FRMD4A: variants seen among roughly 807,000 people sequenced by gnomAD.
The protein encoded by FRMD4A is FERM domain containing 4A.
In FRMD4A, 29 loss-of-function variants were observed where a neutral mutation model predicts 129.1. The ratio of observed to expected loss-of-function variants is 0.22; its 90% CI spans 0.17 to 0.31. The LOEUF (loss-of-function observed/expected upper bound fraction) is 0.31. Ranked by LOEUF, FRMD4A falls within the 10% of genes least tolerant of loss-of-function variation. The probability of loss-of-function intolerance (pLI) is 1.00; values close to 1 mark genes in which losing one functional copy is unlikely to be tolerated. For missense variants in FRMD4A, 1,272 were observed against 1,375.8 expected (o/e 0.92, Z 1.19); for synonymous variants, 634 against 571.6 (o/e 1.11, Z -1.56).
chr10:13,727,508 C>A (rs56222627), intron 12 of FRMD4A, among the ~76,000 whole-genome samples: 96,720 of 151,582 alleles, frequency 0.64, 31,236 homozygotes, highest in Middle Eastern at 0.7. Context: ...TCCTAGCTTC[C>A]GAGTTTCGTC....
chr10:14,249,766 G>A (rs1044800882), intron 2 of FRMD4A, among the ~76,000 whole-genome samples: 4 of 152,226 alleles, frequency 2.6e-5, no homozygotes, highest in African/African-American at 9.6e-5. Flanking sequence ...CAACTAAGGT[G>A]TAGGTACAGG....
chr10:14,159,546 T>C (rs1292755954), intron 2 of FRMD4A, among the ~76,000 whole-genome samples: 1 of 152,204 alleles, frequency 6.6e-6, no homozygotes, highest in Non-Finnish European at 1.5e-5. Flanking sequence ...ATAATCATGA[T>C]GCTACTACCC....
chr10:14,276,862 G>A (rs954592212), intron 2 of FRMD4A, among the ~76,000 whole-genome samples: 5 of 152,014 alleles, frequency 3.3e-5, no homozygotes, highest in African/African-American at 9.7e-5. Flanking sequence ...TATTATTATT[G>A]TTATTTAAGT....
chr10:14,058,952 G>C (rs78587620), intron 2 of FRMD4A, among the ~76,000 whole-genome samples: 3,802 of 151,872 alleles, frequency 0.025, 174 homozygotes, highest in African/African-American at 0.086. Flanking sequence ...AAAATGCCCT[G>C]GTCAAACTAA....
At chr10:14,008,006 C>G in intron 2 of FRMD4A, 1 of 1,286,776 alleles carries the variant, frequency 7.8e-7, no homozygotes. Context: ...TGAAAACAAA[C>G]ATCTTCCTGT....
intron 2 of FRMD4A, among the ~76,000 whole-genome samples, chr10:14,205,508 G>GCT (rs1842755550): frequency 6.6e-6 from 1 of 152,050 alleles, no homozygotes; most frequent in African/African-American, 2.4e-5. Context: ...GGTGACTCAG[G>GCT]TTATGTAGAA....
chr10:13,926,202 T>C (rs2095131888), intron 2 of FRMD4A, among the ~76,000 whole-genome samples: 1 of 152,160 alleles, frequency 6.6e-6, no homozygotes, highest in African/African-American at 2.4e-5. Context: ...TGAGGCTGTG[T>C]ATTGGAAAAC....
intron 2 of FRMD4A, among the ~76,000 whole-genome samples, chr10:14,134,507 TTGGAGGGA>T (rs916938405): frequency 6.7e-6 from 1 of 148,918 alleles, no homozygotes; most frequent in African/African-American, 2.5e-5. Flanking sequence ...GGATGAATTG[TTGGAGGGA>T]TGGAGGGATG....
chr10:14,309,237 C>A (rs1427557539), intron 2 of FRMD4A, among the ~76,000 whole-genome samples: 1 of 152,110 alleles, frequency 6.6e-6, no homozygotes, highest in African/African-American at 2.4e-5. Flanking sequence ...ATCACTTGAG[C>A]TCAGGAATTT....
chr10:14,032,900 A>G (rs1040391417), intron 2 of FRMD4A, among the ~76,000 whole-genome samples: 8 of 152,320 alleles, frequency 5.3e-5, no homozygotes, highest in South Asian at 4.1e-4. Context: ...AGTCTTGGTA[A>G]CTTTGCCTGG....
chr10:13,727,633 G>A (rs1221067880), intron 12 of FRMD4A, among the ~76,000 whole-genome samples: 1 of 152,164 alleles, frequency 6.6e-6, no homozygotes, highest in African/African-American at 2.4e-5. Context: ...CTTCCTGCAT[G>A]CGAGTTCATC....
chr10:13,885,912 T>A (rs529955534), intron 2 of FRMD4A, among the ~76,000 whole-genome samples: 50 of 148,664 alleles, frequency 3.4e-4, no homozygotes, highest in Middle Eastern at 7.0e-3. Flanking sequence ...TCTCTCCTTC[T>A]CTCTCTCTCT....
At chr10:13,847,732 A>C (rs967661979) in intron 3 of FRMD4A, among the ~76,000 whole-genome samples, 6 of 152,228 alleles carry the variant, frequency 3.9e-5, no homozygotes, top group Non-Finnish European at 5.9e-5. Context: ...GAAACGGAAG[A>C]ACCAGCCACT....
intron 2 of FRMD4A, among the ~76,000 whole-genome samples, chr10:13,975,269 G>A (rs576561095): frequency 1.3e-5 from 2 of 151,734 alleles, no homozygotes; most frequent in East Asian, 1.9e-4. Flanking sequence ...GTATGTGTCT[G>A]TGTCTGTGTA....
At chr10:13,740,698 GAAAA>G in intron 9 of FRMD4A, 121 bp from the exon 10 acceptor site, 2 of 633,468 alleles carry the variant, frequency 3.2e-6, no homozygotes, top group Non-Finnish European at 2.8e-6. Flanking sequence ...ACAGCTCCTG[GAAAA>G]ATGATTTGTC....
At chr10:13,688,451 G>A (rs1435725493) in intron 15 of FRMD4A, among the ~76,000 whole-genome samples, 1 of 152,030 alleles carries the variant, frequency 6.6e-6, no homozygotes, top group Non-Finnish European at 1.5e-5. Flanking sequence ...GCTAAATGAC[G>A]AGTTAATCGG....
chr10:14,165,169 A>G (rs887879881), intron 2 of FRMD4A, among the ~76,000 whole-genome samples: 1 of 152,246 alleles, frequency 6.6e-6, no homozygotes, highest in African/African-American at 2.4e-5. Flanking sequence ...AGGAAATAAA[A>G]ACAAAAACAA....
At chr10:14,271,884 G>A (rs954977039) in intron 2 of FRMD4A, among the ~76,000 whole-genome samples, 7 of 152,118 alleles carry the variant, frequency 4.6e-5, no homozygotes, top group African/African-American at 1.7e-4. Context: ...CGTGGCCAAT[G>A]TCACGGCATT....
At chr10:13,980,349 A>C (rs1225069062) in intron 2 of FRMD4A, among the ~76,000 whole-genome samples, 1 of 152,202 alleles carries the variant, frequency 6.6e-6, no homozygotes, top group African/African-American at 2.4e-5. Context: ...TGTGGTAAAA[A>C]CAAAAAAAAT....
Sources: allele counts gnomAD v4.1 joint callset (sites outside exome capture counted in the v4.1 genomes callset), GRCh38; gene constraint gnomAD v4.1.1; transcripts MANE v1.5; gene names NCBI Gene and HGNC (gene_info 2026-07-23, HGNC 2026-07-21).